The following ALOX12 variants were observed in gnomAD, a reference collection of about 807,000 sequenced individuals.
ALOX12 encodes polyunsaturated fatty acid lipoxygenase ALOX12.
Under a neutral mutation model 85.5 loss-of-function variants are expected in ALOX12, and 62 were observed. The ratio of observed to expected loss-of-function variants is 0.73; its 90% confidence interval spans 0.59 to 0.90. The LOEUF (loss-of-function observed/expected upper bound fraction) is 0.90. Ranked by LOEUF, ALOX12 falls within the 40% of genes least tolerant of loss-of-function variation. The pLI is 0.00. For missense variants in ALOX12, 751 were observed against 856.5 expected (o/e 0.88, Z 1.54); for synonymous variants, 299 against 332.7 (o/e 0.90, Z 1.10).
At position 7,006,754 on chromosome 17, in the gene ALOX12, C is replaced by T. The variant is rs11571344; in HGVS notation, c.1540+147C>T. On this transcript the variant is annotated intron_variant, in intron 11 of 13. Transcript: ENST00000251535. ...CGGGAAAGCATGTGTATCCCATTCCCACCTCCTCCGACTCAGGACAATTCT... is the reference window on the plus strand; with the variant it reads ...CGGGAAAGCATGTGTATCCCATTCCTACCTCCTCCGACTCAGGACAATTCT... 2.1e-3 allele frequency: 2,411 copies of T among 1,132,100 alleles called. 34 individuals are homozygous for T. The African/African-American group carries it at 0.035, about 16-fold the overall frequency. 70.1% of individuals were successfully genotyped at this position (1,132,100 alleles called of 1,614,324 possible). A position where few individuals can be genotyped will look rare whatever the true frequency, so the allele number is the denominator to read the frequency against.
intron 8 of ALOX12, chr17:7,002,040 G>T: frequency 3.6e-6 from 2 of 550,702 alleles, no homozygotes; most frequent in South Asian, 2.1e-5. Context: ...CTAGCAGTGC[G>T]CTCACAGTAG....
intron 9 of ALOX12, among the ~76,000 whole-genome samples, 187 bp downstream of exon 9, chr17:7,005,530 G>A (rs1485069025): frequency 7.4e-6 from 1 of 135,968 alleles, no homozygotes; most frequent in Non-Finnish European, 1.5e-5. Flanking sequence ...GCCCAGGTTG[G>A]AGTGCAGTGG....
chr17:7,000,279 G>A lies in ALOX12; in HGVS notation c.808-57G>A, dbSNP rs945242904. The A allele has an allele frequency of 1.6e-5, 26 of 1,597,732 alleles. No individual in the cohort carries two copies. Among genetic ancestry groups the A allele is most frequent in the African/African-American group, 1.3e-4 (10 of 74,636 alleles). ...GACTAAATCTCTTGCCCTTTGCCCC[G>A]GCCCCCTGGGGGTAGACTTTGAACT... On this transcript the variant is annotated intron_variant, in intron 6 of 13. Transcript: ENST00000251535. The surrounding 1 kb of genome is among the most constrained non-coding windows in gnomAD (Gnocchi z 4.6).
intron 8 of ALOX12, among the ~76,000 whole-genome samples, chr17:7,003,431 AT>A (rs901678400): frequency 1.3e-4 from 20 of 149,022 alleles, no homozygotes; most frequent in African/African-American, 2.0e-4. Flanking sequence ...GTTCTTGCAA[AT>A]TTTTTTTTTT....
intron 1 of ALOX12, 75 bp from the exon 2 acceptor site, chr17:6,996,751 G>T: frequency 6.7e-7 from 1 of 1,492,084 alleles, no homozygotes; most frequent in Non-Finnish European, 9.0e-7. Flanking sequence ...GGTTGCACAG[G>T]AGCGCGGCTC....
intron 11 of ALOX12, 172 bp from the exon 12 acceptor site, chr17:7,009,575 T>C (rs1567721242): frequency 1.1e-5 from 7 of 615,556 alleles, no homozygotes; most frequent in Non-Finnish European, 2.0e-5. Flanking sequence ...AGCTGGCCTA[T>C]GGTAACTAAG....
rs781254870 is a variant in ALOX12, at chr17:6,998,553, C to T, written c.382C>T (p.Arg128Ter). ...DNALDMFQKH[R>*]EKELKDRQQI... ...TGCTTTGGACATGTTCCAGAAGCATCGAGAGAAGGAACTGAAAGACAGACA... is the reference window on the plus strand; with the variant it reads ...TGCTTTGGACATGTTCCAGAAGCATTGAGAGAAGGAACTGAAAGACAGACA... Residue 128 changes from arginine to a stop codon, truncating the protein, a stop_gained, in exon 3 of 14, where the codon CGA (arginine) becomes TGA (stop). Transcript: ENST00000251535. LOFTEE classifies it high-confidence loss of function. 1.1e-5 allele frequency: 17 copies of T among 1,613,812 alleles called. No individual in the cohort carries two copies. The highest frequency in any genetic ancestry group is 1.3e-5 in the African/African-American group (1 of 74,894).
At chr17:7,005,180 G>A (rs1043229520) in intron 8 of ALOX12, 77 bp from the exon 9 acceptor site, 6 of 1,284,266 alleles carry the variant, frequency 4.7e-6, no homozygotes, top group Non-Finnish European at 5.7e-6. Flanking sequence ...AAGGCGCCAT[G>A]CTGGGTGCCA....
intron 8 of ALOX12, among the ~76,000 whole-genome samples, chr17:7,004,197 A>T (rs1908885485): frequency 1.4e-5 from 2 of 144,936 alleles, no homozygotes; most frequent in South Asian, 4.2e-4. Context: ...AAACATTTAA[A>T]TTTTTAATTT....
Position 7,000,473 on chromosome 17 carries a change from C to G in ALOX12, c.945C>G (p.Val315=), listed in dbSNP as rs11571359. The G allele has an allele frequency of 4.6e-4, 750 of 1,613,800 alleles. No homozygotes were observed. The highest frequency in any genetic ancestry group is 6.1e-4 in the Non-Finnish European group (720 of 1,180,002). ...MEPNGKLQPM[V]IQIQPPNPSS... is the part of the protein sequence containing the mutation. Reference sequence around the variant, plus strand: ...CCAATGGGAAGCTGCAGCCCATGGTCATCCAGGTAAGGGCCCCAGACCTCT... The same window carrying G: ...CCAATGGGAAGCTGCAGCCCATGGTGATCCAGGTAAGGGCCCCAGACCTCT... The change falls in exon 7 of 14, where the codon GTC becomes GTG. Residue 315 remains valine (V), a synonymous_variant. Coordinates refer to ENST00000251535, the MANE Select transcript of ALOX12 (RefSeq NM_000697.3). This position sits in a 1 kb window ranked among gnomAD's most constrained non-coding sequence, Gnocchi z 4.6.
intron 8 of ALOX12, among the ~76,000 whole-genome samples, chr17:7,004,700 C>T (rs1908950264): frequency 6.6e-6 from 1 of 151,978 alleles, no homozygotes; most frequent in South Asian, 2.1e-4. Context: ...AGTATTCTCC[C>T]CATCCATCCC....
rs1241496478 is a variant in ALOX12 at position 7,010,359 on chromosome 17, A to C, written c.1928A>C (p.Glu643Ala). ...GAAAAGGAGATTACAGCCCGGAATG[A>C]GCAACTTGACTGGCCCTATGAATAT... ...KLEKEITARN[E>A]QLDWPYEYLK... Residue 643 changes from glutamate to alanine, a missense_variant, in exon 14 of 14, where the codon GAG becomes GCG. Physicochemically the swap from Glu to Ala is moderately radical, Grantham distance 107. Transcript: ENST00000251535. 1.2e-6 allele frequency: 2 copies of C among 1,614,244 alleles called. No homozygotes were observed. Among genetic ancestry groups the C allele is most frequent in the Non-Finnish European group, 1.7e-6 (2 of 1,180,050 alleles).
intron 8 of ALOX12, chr17:7,002,274 A>T: frequency 2.9e-6 from 1 of 339,794 alleles, no homozygotes; most frequent in South Asian, 2.3e-5. Flanking sequence ...AAGGAAGAAC[A>T]GCCAGCAAGC....
intron 11 of ALOX12, among the ~76,000 whole-genome samples, chr17:7,007,649 T>A (rs1430363711): frequency 6.6e-6 from 1 of 152,124 alleles, no homozygotes; most frequent in South Asian, 2.1e-4. Flanking sequence ...TTTGGGAGGC[T>A]GAGGTGGGTG....
At position 7,010,588 on chromosome 17, in the gene ALOX12, T is replaced by C; in HGVS notation, c.*165T>C. On this transcript the variant is annotated 3_prime_UTR_variant, in exon 14 of 14. Coordinates refer to ENST00000251535, the MANE Select transcript of ALOX12 (RefSeq NM_000697.3). ...ACTAGCCCAGGGGAGCAGTAAACTT[T>C]CTCTGCAAAGACTAGATCCTTTTTT... The C allele has an allele frequency of 3.6e-6, 3 of 830,530 alleles. No individual in the cohort carries two copies. 51.4% of individuals were successfully genotyped at this position (830,530 alleles called of 1,614,324 possible).
At chr17:7,001,394 G>T in intron 7 of ALOX12, 1 of 592,596 alleles carries the variant, frequency 1.7e-6, no homozygotes, top group Admixed American at 3.1e-5. Context: ...CCTCCTTCTG[G>T]ACCCCCTTCT....
At position 6,998,707 on chromosome 17, in the gene ALOX12, AC is replaced by A; in HGVS notation, c.420-7del. 3 of 1,613,502 alleles carry A rather than the reference AC, an allele frequency of 1.9e-6. No individual in the cohort carries two copies. The highest frequency in any genetic ancestry group is 2.5e-6 in the Non-Finnish European group (3 of 1,179,854). ...CATCCTTCCTGAAGCTTTGTCCCCA[AC>A]TCCTAGCTGGGCCACCTGGAAGGAA... On this transcript the variant is annotated splice_region_variant and splice_polypyrimidine_tract_variant and intron_variant, in intron 3 of 13. Transcript: ENST00000251535.
chr17:7,007,615 G>T (rs1909151494), intron 11 of ALOX12, among the ~76,000 whole-genome samples: 1 of 152,206 alleles, frequency 6.6e-6, no homozygotes. Flanking sequence ...TGGGCACAGT[G>T]GCTCACGCTT....
Position 6,997,855 on chromosome 17 carries a change from C to T in ALOX12, c.338-654C>T, listed in dbSNP as rs368245931. Among the ~76,000 whole-genome samples the T allele has an allele frequency of 1.2e-4, 19 of 152,098 alleles. 1 individual carries two copies. Among genetic ancestry groups the T allele is most frequent in the Admixed American group, 2.6e-4 (4 of 15,282 alleles). Reference sequence around the variant, plus strand: ...GATTACAGGCTTGAGCCACCACGCCCGGCCCAAATAGTGAATTTTTAACCA... The same window carrying T: ...GATTACAGGCTTGAGCCACCACGCCTGGCCCAAATAGTGAATTTTTAACCA... On this transcript the variant is annotated intron_variant, in intron 2 of 13. Coordinates refer to ENST00000251535, the MANE Select transcript of ALOX12 (RefSeq NM_000697.3).
Sources: gnomAD v4.1 joint callset for allele counts (sites outside exome capture counted in the v4.1 genomes callset) on GRCh38, gnomAD v4.1.1 for gene constraint, Gnocchi (gnomAD v3.1) non-coding constraint, MANE v1.5 for transcripts, NCBI Gene and HGNC (gene_info 2026-07-23, HGNC 2026-07-21) for gene names.